Variants in RPE65 observed in about 807,000 individuals in gnomAD.
RPE65 encodes the protein retinoid isomerohydrolase RPE65, also known as retinoid isomerohydrolase.
Under a neutral mutation model 68.5 loss-of-function variants are expected in RPE65, and 58 were observed. The ratio of observed to expected loss-of-function variants is 0.85; its 90% CI spans 0.69 to 1.05. The LOEUF (loss-of-function observed/expected upper bound fraction) is 1.05, where lower values mean the gene tolerates loss of function less well. Ranked by LOEUF, RPE65 falls within the 50% of genes least tolerant of loss-of-function variation. RPE65 has a pLI of 0.00. For synonymous variants in RPE65, 220 were observed against 222.2 expected (o/e 0.99, Z 0.09); for missense variants, 643 against 629.9 (o/e 1.02, Z -0.22).
At position 68,439,636 on chromosome 1, in the gene RPE65, T is replaced by C. The variant is rs777646597; in HGVS notation, c.650A>G (p.Glu217Gly). Residue 217 changes from glutamate to glycine, a missense_variant, in exon 7 of 14, where the codon GAA becomes GGA. By Grantham distance (98) the Glu-to-Gly change is moderately conservative. Coordinates refer to ENST00000262340, the MANE Select transcript of RPE65 (RefSeq NM_000329.3). ...GATCTCTGACTTGCTTATTGGATCT[T>C]CCTTGTCTGAAATAAAGTGGTTTTA... ...VKIPPLQADK[E>G]DPISKSEIVV... 1 of 1,613,668 alleles carries C rather than the reference T, an allele frequency of 6.2e-7. No individual in the cohort carries two copies. Among genetic ancestry groups the C allele is most frequent in the African/African-American group, 1.3e-5 (1 of 74,904 alleles).
At chr1:68,448,514 T>G in intron 2 of RPE65, 110 bp downstream of exon 2, 1 of 980,522 alleles carries the variant, frequency 1.0e-6, no homozygotes, top group Admixed American at 1.9e-5. Context: ...ACCTGATCCC[T>G]CTCCCTGTGA....
intron 5 of RPE65, among the ~76,000 whole-genome samples, chr1:68,441,875 T>G (rs1167243753): frequency 2.0e-5 from 3 of 152,184 alleles, no homozygotes; most frequent in Non-Finnish European, 2.9e-5. Flanking sequence ...AGATATTCAT[T>G]TATTCAGTCA....
At position 68,429,728 on chromosome 1, in the gene RPE65, C is replaced by T. The variant is rs764813192; in HGVS notation, c.*48G>A. On this transcript the variant is annotated 3_prime_UTR_variant, in exon 14 of 14. Transcript: ENST00000262340. ...ACAGAATTTGATTGCAGACCTGAAG[C>T]TGATTTTCTCAGTTTTGCTACCAAA... 6.2e-7 allele frequency: 1 copy of T among 1,611,120 alleles called. No individual in the cohort carries two copies. Among genetic ancestry groups the T allele is most frequent in the Admixed American group, 1.7e-5 (1 of 59,880 alleles).
chr1:68,431,509 C>T lies in RPE65; in HGVS notation c.1205G>A (p.Trp402Ter), dbSNP rs774130993. The change falls in exon 11 of 14, where the codon TGG becomes TAG. Residue 402 changes from tryptophan to a stop codon, truncating the protein, a stop_gained. Transcript: ENST00000262340. LOFTEE classifies it high-confidence loss of function. ...TGAAAAGAGAACTTCAGGCTCCAGC[C>T]AGATAGTCTCGTCACTGCACAGAAT... ...TAILCSDETI[W>*]LEPEVLFSGP... 9.3e-6 allele frequency: 15 copies of T among 1,613,836 alleles called. No individual in the cohort carries two copies. In the African/African-American group the frequency reaches 2.0e-4, roughly 22 times the overall value.
Position 68,433,135 on chromosome 1 carries a change from C to T in RPE65, c.1129-1550G>A, listed in dbSNP as rs150082696. ...CATCCAAATGCAGATGTGGAGCTGG[C>T]GCTAGCAGGTAAGAACCTTGAGTTT... On this transcript the variant is annotated intron_variant, in intron 10 of 13. Coordinates refer to ENST00000262340, the MANE Select transcript of RPE65 (RefSeq NM_000329.3). Among the ~76,000 whole-genome samples, 8 of 152,146 alleles carry T rather than the reference C, an allele frequency of 5.3e-5. No homozygotes were observed. In the East Asian group the frequency reaches 1.4e-3, roughly 26 times the overall value.
intron 6 of RPE65, 111 bp from the exon 7 acceptor site, chr1:68,439,753 A>G: frequency 1.2e-6 from 1 of 837,578 alleles, no homozygotes; most frequent in Non-Finnish European, 2.0e-6. Flanking sequence ...ATTGTTTTAG[A>G]GGGGTTATTT....
rs755416186 is a variant in RPE65, at chr1:68,431,018, G to A, written c.1450+47C>T. On this transcript the variant is annotated intron_variant, in intron 13 of 13. Transcript: ENST00000262340. ...TCCTTTCCTAACGAACTAACATACA[G>A]AACTGCAGTAAGAAGAGTATTCAGA... 3 of 1,454,490 alleles carry A rather than the reference G, an allele frequency of 2.1e-6. No individual in the cohort carries two copies. In the East Asian group the frequency reaches 6.8e-5, roughly 33 times the overall value. The allele number at this position is 1,454,490 out of a possible 1,614,324, so 90.1% of individuals were successfully genotyped here.
chr1:68,446,008 TCTGTGGTGATCAA>T (rs1195625802), intron 3 of RPE65, among the ~76,000 whole-genome samples: 2 of 151,958 alleles, frequency 1.3e-5, no homozygotes, highest in Non-Finnish European at 2.9e-5. Flanking sequence ...ATGCCTGAAA[TCTGTGGTGATCAA>T]CAAAGCCACT....
chr1:68,448,660 CCA>C lies in RPE65; in HGVS notation c.56_57del (p.Val19GlyfsTer32). On this transcript the variant is annotated frameshift_variant, in exon 2 of 14. Coordinates refer to ENST00000262340, the MANE Select transcript of RPE65 (RefSeq NM_000329.3). LOFTEE classifies it high-confidence loss of function. ...GCTGTGAGCGGCGAGGACAGTTCCTCCACAGTTTCAAACAGTTTCTTGTAACC... is the reference window on the plus strand; with the variant it reads ...GCTGTGAGCGGCGAGGACAGTTCCTCCAGTTTCAAACAGTTTCTTGTAACC... ...AGGYKKLFETVEELSSPLTAH... is the reference protein window; with the variant it reads ...AGGYKKLFETXEELSSPLTAH... The C allele has an allele frequency of 6.2e-7, 1 of 1,613,896 alleles. No homozygotes were observed. The highest frequency in any genetic ancestry group is 8.5e-7 in the Non-Finnish European group (1 of 1,179,970).
At chr1:68,449,765 C>T (rs1645969755) in intron 1 of RPE65, 130 bp downstream of exon 1, 6 of 1,094,840 alleles carry the variant, frequency 5.5e-6, no homozygotes, top group Non-Finnish European at 8.2e-6. Context: ...GAAAAAATTT[C>T]CCCACCAAAA....
intron 3 of RPE65, 28 bp from the exon 4 acceptor site, chr1:68,444,911 G>A (rs1178024673): frequency 6.3e-7 from 1 of 1,599,832 alleles, no homozygotes; most frequent in Non-Finnish European, 8.6e-7. Flanking sequence ...ATAGGGAAGA[G>A]TATAGACAGG....
intron 10 of RPE65, among the ~76,000 whole-genome samples, chr1:68,433,996 T>A (rs1350967950): frequency 6.6e-6 from 1 of 151,258 alleles, no homozygotes; most frequent in African/African-American, 2.4e-5. Flanking sequence ...GTAGGGCAAG[T>A]GATGTTGAAA....
chr1:68,434,403 G>A (rs1415561953), intron 10 of RPE65, among the ~76,000 whole-genome samples: 1 of 152,012 alleles, frequency 6.6e-6, no homozygotes, highest in Non-Finnish European at 1.5e-5. Context: ...TCTAAGAAGA[G>A]AAGACAGGAG....
At chr1:68,430,075 T>C in intron 13 of RPE65, 148 bp from the exon 14 acceptor site, 1 of 981,160 alleles carries the variant, frequency 1.0e-6, no homozygotes, top group Non-Finnish European at 1.5e-6. Flanking sequence ...TTGTACCACC[T>C]GGCATGAGAC....
At chr1:68,449,371 C>T (rs1308872082) in intron 1 of RPE65, among the ~76,000 whole-genome samples, 1 of 152,184 alleles carries the variant, frequency 6.6e-6, no homozygotes, top group Admixed American at 6.5e-5. Flanking sequence ...TTACTTTCTA[C>T]ATCCTCTGTT....
intron 3 of RPE65, among the ~76,000 whole-genome samples, chr1:68,446,022 CA>C (rs2100830242): frequency 6.6e-6 from 1 of 151,972 alleles, no homozygotes; most frequent in East Asian, 1.9e-4. Flanking sequence ...TGGTGATCAA[CA>C]AAGCCACTAA....
rs1294621553 is a variant in RPE65, at chr1:68,440,983, A to G, written c.513T>C (p.Tyr171=). The G allele has an allele frequency of 6.2e-7, 1 of 1,613,834 alleles. No individual in the cohort carries two copies. Among genetic ancestry groups the G allele is most frequent in the East Asian group, 2.2e-5 (1 of 44,888 alleles). ...ETIKQVDLCN[Y]VSVNGATAHP... ...GAGCAGTGGCCCCATTGACAGAGACATAGTTGCAAAGATCAACCTACGGAA... is the reference window on the plus strand; with the variant it reads ...GAGCAGTGGCCCCATTGACAGAGACGTAGTTGCAAAGATCAACCTACGGAA... Residue 171 remains tyrosine, a synonymous_variant, in exon 6 of 14, where the codon TAT becomes TAC. Transcript: ENST00000262340.
rs764797700 is a variant in RPE65 at position 68,438,211 on chromosome 1, A to G, written c.1104T>C (p.Tyr368=). Residue 368 remains tyrosine (Y), a synonymous_variant, in exon 10 of 14, where the codon TAT becomes TAC. Coordinates refer to ENST00000262340, the MANE Select transcript of RPE65 (RefSeq NM_000329.3). The part of the protein sequence containing the change: ...RKAPQPEVRR[Y]VLPLNIDKAD... The stretch of plus-strand genomic sequence containing the variant: ...CCTTGTCAATATTCAAAGGAAGTAC[A>G]TATCTCCTAACTTCAGGTTGGGGAG... 12 of 1,613,878 alleles carry G rather than the reference A, an allele frequency of 7.4e-6. No homozygotes were observed. In the Admixed American group the frequency reaches 1.2e-4, roughly 16 times the overall value.
chr1:68,442,255 A>C (rs1012920508), intron 5 of RPE65, among the ~76,000 whole-genome samples: 1 of 152,226 alleles, frequency 6.6e-6, no homozygotes, highest in African/African-American at 2.4e-5. Context: ...CATGACTCCA[A>C]CTAATGTTTG....
Sources: gnomAD v4.1 joint callset for allele counts (sites outside exome capture counted in the v4.1 genomes callset) on GRCh38, gnomAD v4.1.1 for gene constraint, MANE v1.5 for transcripts, NCBI Gene and HGNC (gene_info 2026-07-23, HGNC 2026-07-21) for gene names.